Variants in CRIM1 observed in about 807,000 individuals in gnomAD.
CRIM1 encodes the protein cysteine rich transmembrane BMP regulator 1.
Under a neutral mutation model 116.4 loss-of-function variants are expected in CRIM1, and 32 were observed. The observed-to-expected ratio is 0.27, with a 90% CI of 0.21 to 0.37. The LOEUF (loss-of-function observed/expected upper bound fraction) is 0.37, where lower values mean the gene tolerates loss of function less well. Among genes scored for constraint, CRIM1 ranks in the 10% least tolerant of loss-of-function variants. The pLI is 1.00. For synonymous variants in CRIM1, 590 were observed against 509.2 expected, an observed-to-expected ratio of 1.16 and a Z score of -2.13; for missense variants, 1,331 against 1,354.8, an observed-to-expected ratio of 0.98 and a Z score of 0.28.
chr2:36,499,290 T>C lies in CRIM1; in HGVS notation c.1444T>C (p.Cys482Arg). 6.2e-7 allele frequency: 1 copy of C among 1,614,048 alleles called. No homozygotes were observed. Among genetic ancestry groups the C allele is most frequent in the Non-Finnish European group, 8.5e-7 (1 of 1,179,906 alleles). Reference sequence around the variant, plus strand: ...AAACTGCACTCTGACAGGGAAGGACTGCATTAATGGTTTCAAACGCGATCA... The same window carrying C: ...AAACTGCACTCTGACAGGGAAGGACCGCATTAATGGTTTCAAACGCGATCA... ...LSNCTLTGKD[C>R]INGFKRDHNG... Residue 482 changes from cysteine (C) to arginine (R), a missense_variant, in exon 8 of 17, where the codon TGC (cysteine) becomes CGC (arginine). By Grantham distance (180) the Cys-to-Arg change is radical. Transcript: ENST00000280527.
At chr2:36,520,981 G>A in intron 12 of CRIM1, among the ~76,000 whole-genome samples, 1 of 152,216 alleles carries the variant, frequency 6.6e-6, no homozygotes. Context: ...GCTTTGCTAG[G>A]TAGGGCTGTC....
At chr2:36,431,590 C>T (rs1674895710) in intron 2 of CRIM1, among the ~76,000 whole-genome samples, 1 of 152,182 alleles carries the variant, frequency 6.6e-6, no homozygotes, top group African/African-American at 2.4e-5. Flanking sequence ...CACGTAAGAT[C>T]ACACTTTCTA....
chr2:36,446,436 T>A (rs1470012538), intron 4 of CRIM1, among the ~76,000 whole-genome samples: 1 of 152,238 alleles, frequency 6.6e-6, no homozygotes, highest in Non-Finnish European at 1.5e-5. Flanking sequence ...ACTTTCCACT[T>A]CTATCCCTCA....
At chr2:36,466,128 C>T (rs1678005822) in intron 5 of CRIM1, among the ~76,000 whole-genome samples, 3 of 152,044 alleles carry the variant, frequency 2.0e-5, no homozygotes, top group Admixed American at 2.0e-4. Context: ...CCTCGTGATC[C>T]ACCCGCCTCG....
chr2:36,442,035 CT>C (rs1675871409), intron 3 of CRIM1, among the ~76,000 whole-genome samples: 1 of 152,184 alleles, frequency 6.6e-6, no homozygotes, highest in African/African-American at 2.4e-5. Context: ...GCCAAGTCAT[CT>C]TTGACTGTTT....
chr2:36,452,973 GCA>G (rs1318444234), intron 4 of CRIM1, among the ~76,000 whole-genome samples: 4 of 152,272 alleles, frequency 2.6e-5, no homozygotes, highest in Non-Finnish European at 4.4e-5. Context: ...CATCATCATG[GCA>G]CATGCAAACA....
intron 2 of CRIM1, among the ~76,000 whole-genome samples, chr2:36,437,862 G>A (rs755406717): frequency 2.6e-5 from 4 of 151,792 alleles, no homozygotes; most frequent in East Asian, 1.9e-4. Flanking sequence ...AGCCGGGCGC[G>A]GTGGCTCACT....
intron 2 of CRIM1, among the ~76,000 whole-genome samples, chr2:36,430,612 CA>C (rs1674811385): frequency 6.6e-6 from 1 of 152,144 alleles, no homozygotes; most frequent in African/African-American, 2.4e-5. Flanking sequence ...GGGGCTCCAT[CA>C]GGGGCTTGCC....
At chr2:36,372,336 C>G (rs1669999008) in intron 1 of CRIM1, among the ~76,000 whole-genome samples, 1 of 152,042 alleles carries the variant, frequency 6.6e-6, no homozygotes, top group Non-Finnish European at 1.5e-5. Context: ...TGGCTGGAGC[C>G]CCAACTTGTT....
rs1363408924 is a variant in CRIM1, at chr2:36,355,785, A to AGGCGAGCGG, written c.-503_-495dup. The AGGCGAGCGG allele has an allele frequency of 4.6e-5, 7 of 151,318 alleles. No homozygotes were observed. Among genetic ancestry groups the AGGCGAGCGG allele is most frequent in the African/African-American group, 9.7e-5 (4 of 41,224 alleles). 9.4% of individuals were successfully genotyped at this position (151,318 alleles called of 1,614,324 possible). On this transcript the variant is annotated 5_prime_UTR_variant, in exon 1 of 17. Coordinates refer to ENST00000280527, the MANE Select transcript of CRIM1 (RefSeq NM_016441.3). Reference sequence around the variant, plus strand: ...CGCCCGGAGGAGCGGCGCAGGAGTGAGGCGAGCGGGGCGCGCGGAGCGGAC... The same window carrying AGGCGAGCGG: ...CGCCCGGAGGAGCGGCGCAGGAGTGAGGCGAGCGGGGCGAGCGGGGCGCGCGGAGCGGAC...
At chr2:36,535,912 A>G (rs1342998788) in intron 13 of CRIM1, among the ~76,000 whole-genome samples, 4 of 152,184 alleles carry the variant, frequency 2.6e-5, no homozygotes, top group Non-Finnish European at 5.9e-5. Flanking sequence ...ATACAGGGGG[A>G]TGTGAGTAGG....
In CRIM1 at chr2:36,550,547, A is replaced by G. The variant is rs1013990158; in HGVS notation, c.*1846A>G. On this transcript the variant is annotated 3_prime_UTR_variant, in exon 17 of 17. Coordinates refer to ENST00000280527, the MANE Select transcript of CRIM1 (RefSeq NM_016441.3). Reference sequence around the variant, plus strand: ...ACAGAGGTTGCTGAACTTTAAAAAAAATTAATTTATTATTATAATGACCTA... The same window carrying G: ...ACAGAGGTTGCTGAACTTTAAAAAAGATTAATTTATTATTATAATGACCTA... 1 of 152,540 alleles carries G rather than the reference A, an allele frequency of 6.6e-6. No homozygotes were observed. 9.4% of individuals were successfully genotyped at this position (152,540 alleles called of 1,614,324 possible). A position where few individuals can be genotyped will look rare whatever the true frequency, so the allele number is the denominator to read the frequency against.
intron 5 of CRIM1, among the ~76,000 whole-genome samples, chr2:36,468,461 G>C (rs1002631908): frequency 6.6e-6 from 1 of 152,180 alleles, no homozygotes. Flanking sequence ...TGCATTCTCT[G>C]ACAAGCGCCG....
At chr2:36,360,314 A>G (rs1158602504) in intron 1 of CRIM1, among the ~76,000 whole-genome samples, 1 of 151,930 alleles carries the variant, frequency 6.6e-6, no homozygotes, top group Non-Finnish European at 1.5e-5. Flanking sequence ...TGTTCCGAGG[A>G]CTCTGTTGTA....
chr2:36,531,583 C>A (rs1666124202), intron 13 of CRIM1, among the ~76,000 whole-genome samples: 1 of 152,030 alleles, frequency 6.6e-6, no homozygotes, highest in Non-Finnish European at 1.5e-5. Flanking sequence ...ATTAAAATAG[C>A]TCAGGAGTAA....
chr2:36,414,659 G>A lies in CRIM1; in HGVS notation c.505+17872G>A, dbSNP rs986881958. On this transcript the variant is annotated intron_variant, in intron 2 of 16. Coordinates refer to ENST00000280527, the MANE Select transcript of CRIM1 (RefSeq NM_016441.3). ...TGAAAGGTAAGAAGGAGCTGGCTGTGCAAAGAGCTCGTGGAAGAACATTCT... is the reference window on the plus strand; with the variant it reads ...TGAAAGGTAAGAAGGAGCTGGCTGTACAAAGAGCTCGTGGAAGAACATTCT... Among the ~76,000 whole-genome samples, 5 of 152,352 alleles carry A rather than the reference G, an allele frequency of 3.3e-5. No individual in the cohort carries two copies. In the East Asian group the frequency reaches 9.6e-4, roughly 29 times the overall value.
intron 1 of CRIM1, among the ~76,000 whole-genome samples, chr2:36,377,814 T>C (rs1368771195): frequency 6.6e-6 from 1 of 152,166 alleles, no homozygotes; most frequent in Non-Finnish European, 1.5e-5. Context: ...TTATATTTGG[T>C]TGAAATAAGG....
intron 2 of CRIM1, 54 bp from the exon 3 acceptor site, chr2:36,441,204 G>C (rs1307470730): frequency 2.5e-6 from 4 of 1,606,484 alleles, no homozygotes; most frequent in Non-Finnish European, 3.4e-6. Flanking sequence ...TTCTTCTGTT[G>C]AAAGTGCCCC....
intron 13 of CRIM1, among the ~76,000 whole-genome samples, chr2:36,534,296 AAAGG>A (rs1666343574): frequency 1.8e-5 from 2 of 113,416 alleles, no homozygotes; most frequent in South Asian, 7.0e-4. Flanking sequence ...GAGGGATGAG[AAAGG>A]AAGGAGGGAG....
Sources: gnomAD v4.1 joint callset for allele counts (sites outside exome capture counted in the v4.1 genomes callset) on GRCh38, gnomAD v4.1.1 for gene constraint, MANE v1.5 for transcripts, NCBI Gene and HGNC (gene_info 2026-07-23, HGNC 2026-07-21) for gene names.